Variants in KIF26A observed in about 807,000 individuals in gnomAD.
KIF26A encodes kinesin-like protein KIF26A.
A neutral mutation model predicts 126.0 loss-of-function variants in KIF26A; 74 were observed. That is an observed-to-expected ratio of 0.59 (90% CI 0.49 to 0.71). The LOEUF (loss-of-function observed/expected upper bound fraction) is 0.71, where lower values mean the gene tolerates loss of function less well. Among genes scored for constraint, KIF26A ranks in the 30% least tolerant of loss-of-function variants. KIF26A has a pLI of 0.00. For missense variants in KIF26A, 2,984 were observed against 2,763.3 expected (o/e 1.08, Z -1.79); for synonymous variants, 1,445 against 1,232.7 (o/e 1.17, Z -3.61).
rs1049289572 is a variant in KIF26A at position 104,180,082 on chromosome 14, C to A, written c.*292C>A. 7 of 353,018 alleles carry A rather than the reference C, an allele frequency of 2.0e-5. No individual in the cohort carries two copies. Among genetic ancestry groups the A allele is most frequent in the Non-Finnish European group, 3.1e-5 (6 of 196,046 alleles). 21.9% of individuals were successfully genotyped at this position (353,018 alleles called of 1,614,324 possible). ...CATTTGGTGCTACAGACTTGAGACA[C>A]CAGCAGAAGTTGTGTTCAGCCCGGC... On this transcript the variant is annotated 3_prime_UTR_variant, in exon 15 of 15. Coordinates refer to ENST00000423312, the MANE Select transcript of KIF26A (RefSeq NM_015656.2).
In KIF26A at chr14:104,151,748, T is replaced by C. The variant is rs1238392658; in HGVS notation, c.289-267T>C. Among the ~76,000 whole-genome samples, 1 of 152,158 alleles carries C rather than the reference T, an allele frequency of 6.6e-6. No individual in the cohort carries two copies. The highest frequency in any genetic ancestry group is 1.5e-5 in the Non-Finnish European group (1 of 68,014). ...TTGTCCGGGAGCCGCAAACCTGCCT[T>C]GTTAGCCGCAGGCCGGGGCGCTTAA... On this transcript the variant is annotated intron_variant, in intron 2 of 14. Transcript: ENST00000423312. This position sits in a 1 kb window ranked among gnomAD's most constrained non-coding sequence, Gnocchi z 4.9.
At position 104,166,907 on chromosome 14, in the gene KIF26A, G is replaced by A. The variant is rs376180886; in HGVS notation, c.972G>A (p.Pro324=). 9.3e-4 allele frequency: 1,476 copies of A among 1,590,738 alleles called. 1 individual carries two copies. The highest frequency in any genetic ancestry group is 1.1e-3 in the Admixed American group (62 of 57,428). The change falls in exon 5 of 15, where the codon CCG becomes CCA. Residue 324 remains proline (P), a synonymous_variant. Coordinates refer to ENST00000423312, the MANE Select transcript of KIF26A (RefSeq NM_015656.2). The part of the protein sequence containing the change: ...SLASKRKKPH[P]PPPPATRGTS... ...CCTCCAAGAGGAAGAAGCCCCACCC[G>A]CCACCGCCTCCAGCCACCCGCGGCA... is the stretch of plus-strand genomic sequence containing the variant.
intron 5 of KIF26A, among the ~76,000 whole-genome samples, chr14:104,169,181 G>C (rs925796832): frequency 3.3e-5 from 5 of 152,210 alleles, no homozygotes; most frequent in Admixed American, 2.6e-4. Flanking sequence ...GCTGTGCCGA[G>C]AGCTCAGGAG....
chr14:104,165,865 A>T (rs561845287), intron 4 of KIF26A, among the ~76,000 whole-genome samples: 45 of 143,866 alleles, frequency 3.1e-4, no homozygotes, highest in African/African-American at 7.9e-4. Flanking sequence ...GTGTCTCTGT[A>T]GGGTGTGCGT....
chr14:104,163,137 G>T (rs999448697), intron 4 of KIF26A, among the ~76,000 whole-genome samples: 4 of 152,178 alleles, frequency 2.6e-5, no homozygotes, highest in Admixed American at 1.3e-4. Flanking sequence ...GGGGTGGTGG[G>T]CAGGCAGGAA....
At position 104,175,763 on chromosome 14, in the gene KIF26A, C is replaced by T. The variant is rs962898013; in HGVS notation, c.2975C>T (p.Pro992Leu). Residue 992 changes from proline to leucine, a missense_variant, in exon 12 of 15, where the codon CCG becomes CTG. Transcript: ENST00000423312. ...ATGAGTGGGCAGGTGGCTGGGTCCCCGATGCTTCCTGGGGCCACCTGCCCC... is the reference window on the plus strand; with the variant it reads ...ATGAGTGGGCAGGTGGCTGGGTCCCTGATGCTTCCTGGGGCCACCTGCCCC... The part of the protein sequence containing the change: ...VGMSGQVAGS[P>L]MLPGATCPRL... 19 of 1,538,942 alleles carry T rather than the reference C, an allele frequency of 1.2e-5. No homozygotes were observed. Among genetic ancestry groups the T allele is most frequent in the Non-Finnish European group, 1.0e-5 (12 of 1,145,948 alleles).
At chr14:104,155,230 C>T (rs1202597629) in intron 3 of KIF26A, among the ~76,000 whole-genome samples, 1 of 152,152 alleles carries the variant, frequency 6.6e-6, no homozygotes, top group Non-Finnish European at 1.5e-5. Flanking sequence ...ATCTGGGGGG[C>T]TGGTGTCTTT....
intron 12 of KIF26A, among the ~76,000 whole-genome samples, chr14:104,178,252 C>A (rs373421150): frequency 1.3e-5 from 2 of 152,146 alleles, no homozygotes; most frequent in East Asian, 3.9e-4. Context: ...GCCTCCCTGG[C>A]GAGTGTCGAG....
intron 3 of KIF26A, among the ~76,000 whole-genome samples, chr14:104,156,969 G>A (rs536505599): frequency 1.3e-4 from 20 of 152,228 alleles, no homozygotes; most frequent in African/African-American, 2.4e-4. Flanking sequence ...GGAGAGCTTG[G>A]GGCACTGGGC....
chr14:104,138,972 A>G (rs1404676126), intron 1 of KIF26A, 71 bp from the exon 2 acceptor site: 25 of 1,308,644 alleles, frequency 1.9e-5, no homozygotes, highest in Non-Finnish European at 2.3e-5. Flanking sequence ...ACGCTGGGGC[A>G]GGGCGCGCAG....
At position 104,138,601 on chromosome 14, in the gene KIF26A, C is replaced by T; in HGVS notation, c.-122C>T. The T allele has an allele frequency of 3.9e-6, 3 of 768,052 alleles. No individual in the cohort carries two copies. The highest frequency in any genetic ancestry group is 5.8e-5 in the South Asian group (1 of 17,166). The allele number at this position is 768,052 out of a possible 1,614,324, so 47.6% of individuals were successfully genotyped here. A position where few individuals can be genotyped will look rare whatever the true frequency, so the allele number is the denominator to read the frequency against. On this transcript the variant is annotated 5_prime_UTR_variant, in exon 1 of 15. Coordinates refer to ENST00000423312, the MANE Select transcript of KIF26A (RefSeq NM_015656.2). ...CTCCTCGCGACACTCGCAGGCTCTG[C>T]GAACTTCCGAGCGGCTGGGCCGGGC...
At position 104,157,933 on chromosome 14, in the gene KIF26A, T is replaced by A. The variant is rs1011438662; in HGVS notation, c.914T>A (p.Phe305Tyr). Reference sequence around the variant, plus strand: ...ACAGGCCCCTCAGCTGCAGCCTCCTTCTTCATAAGGTATGTCCTGGGGCTT... The same window carrying A: ...ACAGGCCCCTCAGCTGCAGCCTCCTACTTCATAAGGTATGTCCTGGGGCTT... ...GSTGPSAAAS[F>Y]FIRAMQKLSL... Residue 305 changes from phenylalanine (F) to tyrosine (Y), a missense_variant, in exon 4 of 15, where the codon TTC becomes TAC. Coordinates refer to ENST00000423312, the MANE Select transcript of KIF26A (RefSeq NM_015656.2). 6.6e-7 allele frequency: 1 copy of A among 1,512,344 alleles called. No individual in the cohort carries two copies. Among genetic ancestry groups the A allele is most frequent in the African/African-American group, 1.4e-5 (1 of 70,546 alleles). The allele number at this position is 1,512,344 out of a possible 1,614,324, so 93.7% of individuals were successfully genotyped here.
chr14:104,159,247 G>A (rs888781174), intron 4 of KIF26A, among the ~76,000 whole-genome samples: 2 of 152,198 alleles, frequency 1.3e-5, no homozygotes, highest in African/African-American at 2.4e-5. Context: ...GGGGTCCCCC[G>A]TGTGTGGGAC....
At chr14:104,144,862 C>T (rs1308705652) in intron 2 of KIF26A, among the ~76,000 whole-genome samples, 1 of 152,212 alleles carries the variant, frequency 6.6e-6, no homozygotes, top group Non-Finnish European at 1.5e-5. Flanking sequence ...ACTGACCGTG[C>T]CTTGGTCGTG....
Position 104,177,918 on chromosome 14 carries a change from G to A in KIF26A, c.5110+20G>A. 1.3e-6 allele frequency: 2 copies of A among 1,484,758 alleles called. No homozygotes were observed. Among genetic ancestry groups the A allele is most frequent in the Non-Finnish European group, 1.8e-6 (2 of 1,126,104 alleles). 92.0% of individuals were successfully genotyped at this position (1,484,758 alleles called of 1,614,324 possible). A position where few individuals can be genotyped will look rare whatever the true frequency, so the allele number is the denominator to read the frequency against. ...CCACAGGTGGGTGCAGAGGTGCACA[G>A]CCCTCTACAGTTTACGGGCTTTCTG... On this transcript the variant is annotated intron_variant, in intron 12 of 14. Coordinates refer to ENST00000423312, the MANE Select transcript of KIF26A (RefSeq NM_015656.2).
intron 1 of KIF26A, 63 bp from the exon 2 acceptor site, chr14:104,138,980 C>G: frequency 7.6e-7 from 1 of 1,313,612 alleles, no homozygotes; most frequent in South Asian, 2.2e-5. Flanking sequence ...GCAGGGCGCG[C>G]AGGGGTCTGG....
rs913817053 is a variant in KIF26A at position 104,175,615 on chromosome 14, G to A, written c.2827G>A (p.Gly943Arg). 3 of 1,610,910 alleles carry A rather than the reference G, an allele frequency of 1.9e-6. No homozygotes were observed. The highest frequency in any genetic ancestry group is 2.5e-6 in the Non-Finnish European group (3 of 1,179,704). Residue 943 changes from glycine (G) to arginine (R), a missense_variant, in exon 12 of 15, where the codon GGA becomes AGA. By Grantham distance (125) the Gly-to-Arg change is moderately radical. Transcript: ENST00000423312. Reference protein sequence around the residue: ...LLVPEKAAVSGGRRPLPSPAP... With the variant: ...LLVPEKAAVSRGRRPLPSPAP... ...GGTCCCGGAAAAGGCTGCAGTGAGT[G>A]GAGGCAGGAGGCCACTGCCCAGCCC...
In KIF26A at chr14:104,174,179, TCC is replaced by T; in HGVS notation, c.2064_2065del (p.Leu689GlyfsTer55). The T allele has an allele frequency of 6.3e-7, 1 of 1,590,294 alleles. No individual in the cohort carries two copies. Among genetic ancestry groups the T allele is most frequent in the African/African-American group, 1.3e-5 (1 of 74,402 alleles). ...CAGGCTCACCATGCTGCTGCGTGAA[TCC>T]CTGGCCACCGCTGGCTGCCGCACCA... is the stretch of plus-strand genomic sequence containing the variant. ...DHRLTMLLRE[S>X]LATAGCRTTM... On this transcript the variant is annotated frameshift_variant, in exon 11 of 15. Transcript: ENST00000423312. LOFTEE classifies it high-confidence loss of function.
Position 104,177,163 on chromosome 14 carries a change from C to A in KIF26A, c.4375C>A (p.Pro1459Thr), listed in dbSNP as rs771349955. 2 of 1,597,502 alleles carry A rather than the reference C, an allele frequency of 1.3e-6. No individual in the cohort carries two copies. The highest frequency in any genetic ancestry group is 1.1e-5 in the South Asian group (1 of 90,930). Residue 1459 changes from proline (P) to threonine (T), a missense_variant, in exon 12 of 15, where the codon CCC becomes ACC. Coordinates refer to ENST00000423312, the MANE Select transcript of KIF26A (RefSeq NM_015656.2). ...GGGCCGGGAAGCCCCTGGGCGGCCT[C>A]CCCGGGCTGTACCCAAGCTGGGTGT... ...SKGREAPGRP[P>T]RAVPKLGVPP...
Sources: gnomAD v4.1 joint callset for allele counts (sites outside exome capture counted in the v4.1 genomes callset) on GRCh38, gnomAD v4.1.1 for gene constraint, Gnocchi (gnomAD v3.1) non-coding constraint, MANE v1.5 for transcripts, NCBI Gene and HGNC (gene_info 2026-07-23, HGNC 2026-07-21) for gene names.